Variants in NEK11 observed in about 807,000 individuals in gnomAD.
The protein encoded by NEK11 is serine/threonine-protein kinase Nek11.
NEK11 carries 72 observed loss-of-function variants against 80.7 expected under a neutral mutation model. That is an observed-to-expected ratio of 0.89 (90% confidence interval 0.74 to 1.08). NEK11 has a LOEUF of 1.08. Among genes scored for constraint, NEK11 ranks in the 50% least tolerant of loss-of-function variants. The pLI, the probability that NEK11 is intolerant of heterozygous loss-of-function variation, is 0.00. For synonymous variants in NEK11, 251 were observed against 260.7 expected, an observed-to-expected ratio of 0.96 and a Z score of 0.36; for missense variants, 764 against 763.6, an observed-to-expected ratio of 1.00 and a Z score of -0.01.
chr3:131,311,342 A>G (rs1038558266), intron 17 of NEK11, among the ~76,000 whole-genome samples: 12 of 152,186 alleles, frequency 7.9e-5, no homozygotes, highest in African/African-American at 2.7e-4. Context: ...GCTGTCAAAC[A>G]TCAGAACTTA....
chr3:131,256,957 T>C (rs1184665345), intron 16 of NEK11, among the ~76,000 whole-genome samples: 1 of 152,090 alleles, frequency 6.6e-6, no homozygotes, highest in Non-Finnish European at 1.5e-5. Context: ...CCTGCCTGGA[T>C]GGACTTCATG....
chr3:131,119,224 T>C (rs914308139), intron 5 of NEK11, among the ~76,000 whole-genome samples: 1 of 152,248 alleles, frequency 6.6e-6, no homozygotes, highest in African/African-American at 2.4e-5. Flanking sequence ...CATTTTGTTA[T>C]GTACGCAGTA....
chr3:131,097,997 G>A (rs1266052032), intron 4 of NEK11, among the ~76,000 whole-genome samples: 3 of 145,456 alleles, frequency 2.1e-5, no homozygotes, highest in South Asian at 4.5e-4. Context: ...CAGAAATAAT[G>A]CCGCATATCT....
chr3:131,133,003 A>G (rs535983566), intron 6 of NEK11, among the ~76,000 whole-genome samples, 194 bp downstream of exon 6: 2 of 152,138 alleles, frequency 1.3e-5, no homozygotes, highest in African/African-American at 4.8e-5. Flanking sequence ...GCCCAACAAA[A>G]CCTAATTGTT....
intron 17 of NEK11, among the ~76,000 whole-genome samples, chr3:131,293,348 T>C (rs994805954): frequency 5.3e-5 from 8 of 152,174 alleles, no homozygotes; most frequent in African/African-American, 1.9e-4. Flanking sequence ...TATATGATCA[T>C]GTGATATTTT....
intron 5 of NEK11, among the ~76,000 whole-genome samples, chr3:131,123,451 C>T (rs759542501): frequency 7.9e-5 from 12 of 152,298 alleles, no homozygotes; most frequent in Non-Finnish European, 1.3e-4. Context: ...AGGCATGAGC[C>T]ACCATGCATG....
chr3:131,063,218 T>C (rs1388017385), intron 3 of NEK11, among the ~76,000 whole-genome samples: 2 of 151,962 alleles, frequency 1.3e-5, no homozygotes, highest in East Asian at 3.9e-4. Flanking sequence ...AGAGAGGGGG[T>C]CTCACTATGT....
intron 17 of NEK11, among the ~76,000 whole-genome samples, chr3:131,317,768 A>AAGGAGAAGGAGG (rs1282053772): frequency 2.6e-3 from 71 of 26,938 alleles, no homozygotes; most frequent in African/African-American, 9.9e-3. Context: ...ACCCAAGAAG[A>AAGGAGAAGGAGG]AGGAGAAGGA....
intron 17 of NEK11, among the ~76,000 whole-genome samples, chr3:131,318,665 A>G (rs1290384679): frequency 6.6e-6 from 1 of 151,882 alleles, no homozygotes; most frequent in Non-Finnish European, 1.5e-5. Flanking sequence ...GTTAACCGAG[A>G]AAAGGAAGAT....
intron 14 of NEK11, among the ~76,000 whole-genome samples, chr3:131,204,643 G>T (rs1040966583): frequency 6.6e-6 from 1 of 151,562 alleles, no homozygotes; most frequent in Non-Finnish European, 1.5e-5. Flanking sequence ...TTCTTGGTGG[G>T]ACAGCAGAGG....
chr3:131,058,365 G>A (rs1319443292), intron 3 of NEK11, among the ~76,000 whole-genome samples: 10 of 151,592 alleles, frequency 6.6e-5, no homozygotes, highest in South Asian at 2.1e-4. Flanking sequence ...CTGACTTGGC[G>A]ATGCGGGCTC....
chr3:131,158,168 T>C (rs2091002074), intron 10 of NEK11, among the ~76,000 whole-genome samples: 1 of 151,974 alleles, frequency 6.6e-6, no homozygotes, highest in African/African-American at 2.4e-5. Context: ...GCCACGGGTG[T>C]CTTGGGGGTC....
At chr3:131,043,930 A>G (rs1426428367) in intron 3 of NEK11, among the ~76,000 whole-genome samples, 1 of 152,234 alleles carries the variant, frequency 6.6e-6, no homozygotes, top group Non-Finnish European at 1.5e-5. Flanking sequence ...CAGAAACCCT[A>G]CATGCCAGAA....
intron 16 of NEK11, among the ~76,000 whole-genome samples, chr3:131,250,413 T>C (rs1368620240): frequency 6.6e-6 from 1 of 152,118 alleles, no homozygotes; most frequent in Non-Finnish European, 1.5e-5. Flanking sequence ...AATATTTATC[T>C]ATCCAAACTA....
At chr3:131,041,391 T>C (rs1560132336) in intron 3 of NEK11, among the ~76,000 whole-genome samples, 2 of 152,202 alleles carry the variant, frequency 1.3e-5, no homozygotes, top group African/African-American at 4.8e-5. Flanking sequence ...ACTATTGAAC[T>C]TGCAGGGAGT....
intron 17 of NEK11, among the ~76,000 whole-genome samples, chr3:131,346,501 A>G (rs2097364834): frequency 2.0e-5 from 3 of 152,200 alleles, no homozygotes; most frequent in Admixed American, 2.0e-4. Context: ...GCTTTTCTCC[A>G]TAAATATTCT....
intron 14 of NEK11, chr3:131,184,727 C>A: frequency 8.0e-7 from 1 of 1,243,662 alleles, no homozygotes; most frequent in Non-Finnish European, 1.0e-6. Flanking sequence ...TTTCACTAGA[C>A]GAATACTGGA....
intron 17 of NEK11, among the ~76,000 whole-genome samples, chr3:131,320,369 C>G (rs16836397): frequency 0.13 from 19,685 of 152,058 alleles, 1,893 homozygotes; most frequent in East Asian, 0.3. Flanking sequence ...AGCAAACTAC[C>G]AAACAAACTG....
intron 3 of NEK11, among the ~76,000 whole-genome samples, chr3:131,041,682 G>A (rs2066506303): frequency 1.3e-5 from 2 of 152,126 alleles, no homozygotes. Flanking sequence ...ATAATATCCC[G>A]TTCTGATGGA....
Sources: allele counts gnomAD v4.1 joint callset (sites outside exome capture counted in the v4.1 genomes callset), GRCh38; gene constraint gnomAD v4.1.1; transcripts MANE v1.5; gene names NCBI Gene and HGNC (gene_info 2026-07-23, HGNC 2026-07-21).